DCLK2: variants seen among roughly 807,000 people sequenced by gnomAD.
DCLK2 encodes the protein serine/threonine-protein kinase DCLK2.
Under a neutral mutation model 78.4 loss-of-function variants are expected in DCLK2, and 31 were observed. The observed-to-expected ratio is 0.40, with a 90% CI of 0.30 to 0.53. The LOEUF is 0.53. Ranked by LOEUF, DCLK2 falls within the 20% of genes least tolerant of loss-of-function variation. The pLI is 0.61. For synonymous variants in DCLK2, 407 were observed against 374.9 expected (o/e 1.09, Z -0.99); for missense variants, 872 against 973.7 (o/e 0.90, Z 1.39).
Position 150,256,011 on chromosome 4 carries a change from C to T in DCLK2, c.2074-9C>T. ...GGGTAATGTGTTGTCTCTGCTGTTT[C>T]CTCCTCAGAACACGGCTCTAGATAA... On this transcript the variant is annotated splice_polypyrimidine_tract_variant and intron_variant, in intron 15 of 15. Coordinates refer to ENST00000296550, the MANE Select transcript of DCLK2 (RefSeq NM_001040260.4). The T allele has an allele frequency of 1.2e-6, 2 of 1,612,348 alleles. No homozygotes were observed. Among genetic ancestry groups the T allele is most frequent in the Non-Finnish European group, 1.7e-6 (2 of 1,179,536 alleles).
chr4:150,195,578 G>T, intron 3 of DCLK2, among the ~76,000 whole-genome samples: 1 of 135,490 alleles, frequency 7.4e-6, no homozygotes, highest in Admixed American at 9.3e-5. Context: ...GTGTCATTTT[G>T]AAAGCTGAGC....
intron 2 of DCLK2, among the ~76,000 whole-genome samples, chr4:150,162,441 A>G (rs1735771204): frequency 6.6e-6 from 1 of 152,216 alleles, no homozygotes; most frequent in South Asian, 2.1e-4. Flanking sequence ...AAGTAGTATT[A>G]TCTTCCATAT....
intron 7 of DCLK2, among the ~76,000 whole-genome samples, chr4:150,222,420 G>A (rs72951532): frequency 0.021 from 3,271 of 152,204 alleles, 111 homozygotes; most frequent in African/African-American, 0.07. Context: ...TATATTTACC[G>A]GTGTCAGGCA....
rs1333204565 is a variant in DCLK2, at chr4:150,102,599, C to T, written c.543C>T (p.Ser181=). 1 of 1,614,026 alleles carries T rather than the reference C, an allele frequency of 6.2e-7. No individual in the cohort carries two copies. Among genetic ancestry groups the T allele is most frequent in the African/African-American group, 1.3e-5 (1 of 74,908 alleles). ...CATCCCGAGCGCTGGCTGCTGCCTC[C>T]TCTGTGAAAAGTGAAGTAAAAGAAA... ...GGTSRALAAA[S]SVKSEVKESK... The change falls in exon 2 of 16, where the codon TCC becomes TCT. Residue 181 remains serine, a synonymous_variant. Coordinates refer to ENST00000296550, the MANE Select transcript of DCLK2 (RefSeq NM_001040260.4).
intron 2 of DCLK2, among the ~76,000 whole-genome samples, chr4:150,163,418 TAAATAAATA>T (rs937618386): frequency 6.6e-6 from 1 of 151,886 alleles, no homozygotes; most frequent in Non-Finnish European, 1.5e-5. Flanking sequence ...AATAAATAAA[TAAATAAATA>T]AACCAACCAG....
chr4:150,225,520 G>A (rs1460415841), intron 8 of DCLK2, among the ~76,000 whole-genome samples: 1 of 152,164 alleles, frequency 6.6e-6, no homozygotes, highest in South Asian at 2.1e-4. Context: ...GAGCTACATC[G>A]TTCAACACCA....
chr4:150,118,468 T>A (rs930435431), intron 2 of DCLK2, among the ~76,000 whole-genome samples: 2 of 152,162 alleles, frequency 1.3e-5, no homozygotes, highest in Non-Finnish European at 2.9e-5. Context: ...AATATGATGC[T>A]TCAGAAAATT....
chr4:150,096,991 G>C (rs1458627684), intron 1 of DCLK2, among the ~76,000 whole-genome samples: 2 of 152,046 alleles, frequency 1.3e-5, no homozygotes, highest in Non-Finnish European at 2.9e-5. Flanking sequence ...AGAAAGAATG[G>C]CTCTGAAACC....
intron 15 of DCLK2, chr4:150,253,181 T>TA (rs764234654): frequency 2.1e-5 from 10 of 486,758 alleles, no homozygotes; most frequent in African/African-American, 2.0e-4. Context: ...GTTTTTACAT[T>TA]AAAAATAACC....
chr4:150,184,306 G>A (rs1239349507), intron 2 of DCLK2, among the ~76,000 whole-genome samples: 1 of 152,122 alleles, frequency 6.6e-6, no homozygotes, highest in Non-Finnish European at 1.5e-5. Context: ...GAAAGAAATC[G>A]ATGGACATTA....
In DCLK2 at chr4:150,158,442, C is replaced by T. The variant is rs533505425; in HGVS notation, c.757-34696C>T. 2.3e-4 allele frequency among the ~76,000 whole-genome samples: 35 copies of T among 151,934 alleles called. No individual in the cohort carries two copies. In the Middle Eastern group the frequency reaches 0.014, roughly 59 times the overall value. On this transcript the variant is annotated intron_variant, in intron 2 of 15. Transcript: ENST00000296550. ...CTCCCAATAAGTTATTTTTGCCTCC[C>T]CTCCACCACAGAGGCACACTGCCCC...
intron 2 of DCLK2, among the ~76,000 whole-genome samples, chr4:150,159,345 A>C (rs1012652106): frequency 2.0e-5 from 3 of 152,214 alleles, no homozygotes; most frequent in Non-Finnish European, 4.4e-5. Flanking sequence ...GTACACATAC[A>C]TGTGTCTGCT....
At chr4:150,142,195 C>T (rs1477896862) in intron 2 of DCLK2, among the ~76,000 whole-genome samples, 7 of 152,154 alleles carry the variant, frequency 4.6e-5, no homozygotes, top group Non-Finnish European at 7.3e-5. Context: ...TCTCATTCAT[C>T]ACTCCCTTCT....
chr4:150,088,191 C>T (rs1202091753), intron 1 of DCLK2, among the ~76,000 whole-genome samples: 3 of 152,122 alleles, frequency 2.0e-5, no homozygotes, highest in African/African-American at 7.2e-5. Context: ...AAAAGGCGTT[C>T]TAGAAACTTA....
intron 4 of DCLK2, 141 bp from the exon 5 acceptor site, chr4:150,203,654 G>A: frequency 3.7e-6 from 1 of 271,620 alleles, no homozygotes; most frequent in Non-Finnish European, 6.2e-6. Context: ...TTTGCTTTTT[G>A]CTGATTTGCC....
intron 5 of DCLK2, among the ~76,000 whole-genome samples, chr4:150,205,446 C>T (rs576157839): frequency 1.5e-4 from 23 of 152,274 alleles, no homozygotes; most frequent in African/African-American, 4.6e-4. Flanking sequence ...ACTAGTAGGA[C>T]GTTTGGAAGT....
At chr4:150,216,545 A>G (rs1213508409) in intron 5 of DCLK2, among the ~76,000 whole-genome samples, 1 of 152,154 alleles carries the variant, frequency 6.6e-6, no homozygotes, top group Non-Finnish European at 1.5e-5. Context: ...AGGCTGAGGC[A>G]GGAGAATCGC....
At chr4:150,172,524 G>A (rs1426186941) in intron 2 of DCLK2, among the ~76,000 whole-genome samples, 2 of 149,776 alleles carry the variant, frequency 1.3e-5, no homozygotes, top group Non-Finnish European at 3.0e-5. Context: ...GGAGAATGGC[G>A]TGAACCCGGG....
intron 2 of DCLK2, among the ~76,000 whole-genome samples, chr4:150,127,165 T>C (rs185208060): frequency 1.5e-3 from 235 of 152,290 alleles, no homozygotes; most frequent in African/African-American, 5.4e-3. Flanking sequence ...CTTCTAGGTT[T>C]CTCCACCTGT....
Sources: allele counts gnomAD v4.1 joint callset (sites outside exome capture counted in the v4.1 genomes callset), GRCh38; gene constraint gnomAD v4.1.1; transcripts MANE v1.5; gene names NCBI Gene and HGNC (gene_info 2026-07-23, HGNC 2026-07-21).